The following TCTN3 variants were observed in gnomAD, a reference collection of about 807,000 sequenced individuals.
TCTN3 encodes the protein tectonic family member 3, also known as tectonic-3.
A neutral mutation model predicts 71.3 loss-of-function variants in TCTN3; 57 were observed. The observed-to-expected ratio is 0.80, with a 90% CI of 0.65 to 1.00. The LOEUF is 1.00. TCTN3 is among the 50% of genes least tolerant of loss of function. The pLI, the probability that TCTN3 is intolerant of heterozygous loss-of-function variation, is 0.00. For synonymous variants in TCTN3, 258 were observed against 267.8 expected, an observed-to-expected ratio of 0.96 and a Z score of 0.36; for missense variants, 696 against 719.9, an observed-to-expected ratio of 0.97 and a Z score of 0.38.
Position 95,684,721 on chromosome 10 carries a change from A to C in TCTN3, c.970-97T>G. ...TGTCTTCAAGGGTGTTATTATAACT[A>C]AATGAGGCAGACTGAAACAGTAATG... is the stretch of plus-strand genomic sequence containing the variant. On this transcript the variant is annotated intron_variant, in intron 8 of 13. Coordinates refer to ENST00000371217, the MANE Select transcript of TCTN3 (RefSeq NM_015631.6). The C allele has an allele frequency of 2.2e-6, 3 of 1,348,454 alleles. No individual in the cohort carries two copies. The South Asian group carries it at 4.3e-5, about 19-fold the overall frequency. 83.5% of individuals were successfully genotyped at this position (1,348,454 alleles called of 1,614,324 possible).
At chr10:95,683,716 A>C (rs758497231) in intron 9 of TCTN3, 87 bp from the exon 10 acceptor site, 23 of 1,144,066 alleles carry the variant, frequency 2.0e-5, no homozygotes, top group Non-Finnish European at 2.6e-5. Context: ...CCCTTCCTTA[A>C]GGCAAGGAAA....
At chr10:95,669,986 C>T (rs1158905968) in intron 13 of TCTN3, among the ~76,000 whole-genome samples, 1 of 145,306 alleles carries the variant, frequency 6.9e-6, no homozygotes. Context: ...TGGCGTGAAC[C>T]CCAGGGGGCG....
intron 13 of TCTN3, among the ~76,000 whole-genome samples, chr10:95,674,718 AAT>A (rs2097935128): frequency 6.6e-6 from 1 of 152,206 alleles, no homozygotes; most frequent in Non-Finnish European, 1.5e-5. Context: ...AGTCTCTTTT[AAT>A]TTAACACAAT....
At position 95,682,733 on chromosome 10, in the gene TCTN3, T is replaced by C; in HGVS notation, c.1370A>G (p.Glu457Gly). ...YQTLHGRPRP[E>G]YVAIFGNADP... ...AGCATTACCAAAGATGGCAACATAC[T>C]CTGGTCTGGGCCTTCCATGAAGAGT... The change falls in exon 12 of 14, where the codon GAG becomes GGG. Residue 457 changes from glutamate (E) to glycine (G), a missense_variant. Glu to Gly is a moderately conservative substitution (Grantham distance 98). Transcript: ENST00000371217. The C allele has an allele frequency of 6.2e-7, 1 of 1,614,198 alleles. No homozygotes were observed. The highest frequency in any genetic ancestry group is 8.5e-7 in the Non-Finnish European group (1 of 1,180,026).
At position 95,682,785 on chromosome 10, in the gene TCTN3, T is replaced by G; in HGVS notation, c.1318A>C (p.Ser440Arg). The G allele has an allele frequency of 1.2e-6, 2 of 1,614,038 alleles. No individual in the cohort carries two copies. The highest frequency in any genetic ancestry group is 1.1e-5 in the South Asian group (1 of 91,038). The change falls in exon 12 of 14, where the codon AGC becomes CGC. Residue 440 changes from serine to arginine, a missense_variant. Physicochemically the swap from Ser to Arg is moderately radical, Grantham distance 110 (BLOSUM62 -1). Coordinates refer to ENST00000371217, the MANE Select transcript of TCTN3 (RefSeq NM_015631.6). The stretch of plus-strand genomic sequence containing the variant: ...TGATAAATCTCCTGCTGCAAGTGGC[T>G]GCAGTCTGCCTTCTTCAACCTATAA... ...CKLRLKKADC[S>R]HLQQEIYQTL... is the part of the protein sequence containing the mutation.
chr10:95,667,391 A>G (rs527941064), intron 13 of TCTN3, among the ~76,000 whole-genome samples: 1 of 152,220 alleles, frequency 6.6e-6, no homozygotes, highest in Non-Finnish European at 1.5e-5. Flanking sequence ...GATGGCAGCA[A>G]GGTTTAACAG....
chr10:95,670,556 T>C (rs1056959645), intron 13 of TCTN3, among the ~76,000 whole-genome samples: 1 of 151,620 alleles, frequency 6.6e-6, no homozygotes, highest in Non-Finnish European at 1.5e-5. Flanking sequence ...TTAGTAGAGA[T>C]GGGGTTTTGC....
chr10:95,672,122 ACTTT>A (rs1248679057), intron 13 of TCTN3, among the ~76,000 whole-genome samples: 4 of 100,456 alleles, frequency 4.0e-5, no homozygotes, highest in Non-Finnish European at 8.6e-5. Context: ...AGAAGTAACC[ACTTT>A]CTGACTTTTA....
At chr10:95,681,406 G>GT (rs2097942891) in intron 12 of TCTN3, among the ~76,000 whole-genome samples, 1 of 152,146 alleles carries the variant, frequency 6.6e-6, no homozygotes, top group East Asian at 1.9e-4. Context: ...CAGTTACTGA[G>GT]TATCTCCTAT....
chr10:95,670,935 T>C (rs936640261), intron 13 of TCTN3, among the ~76,000 whole-genome samples: 2 of 152,190 alleles, frequency 1.3e-5, no homozygotes, highest in Admixed American at 6.5e-5. Flanking sequence ...AGTGCTGAGA[T>C]TACAGGTGTG....
chr10:95,665,949 T>C (rs1238484909), intron 13 of TCTN3, among the ~76,000 whole-genome samples: 1 of 151,984 alleles, frequency 6.6e-6, no homozygotes, highest in African/African-American at 2.4e-5. Context: ...CTGTAGTTTT[T>C]TTTTTTTTTG....
intron 12 of TCTN3, among the ~76,000 whole-genome samples, chr10:95,682,091 G>T (rs1463483005): frequency 1.3e-5 from 2 of 151,444 alleles, no homozygotes; most frequent in Non-Finnish European, 2.9e-5. Flanking sequence ...GCTACTCGAG[G>T]GGCTGAGGTG....
chr10:95,672,253 T>C (rs536711893), intron 13 of TCTN3, among the ~76,000 whole-genome samples: 1 of 151,896 alleles, frequency 6.6e-6, no homozygotes, highest in African/African-American at 2.4e-5. Context: ...TCTGTTTTAC[T>C]GCTAAGTAGT....
At chr10:95,682,417 C>T (rs1424162224) in intron 12 of TCTN3, among the ~76,000 whole-genome samples, 1 of 151,766 alleles carries the variant, frequency 6.6e-6, no homozygotes, top group Non-Finnish European at 1.5e-5. Flanking sequence ...TCCCTTGAAC[C>T]CGGGGGGTGG....
intron 13 of TCTN3, among the ~76,000 whole-genome samples, chr10:95,678,961 C>A (rs1465864144): frequency 6.6e-6 from 1 of 152,094 alleles, no homozygotes; most frequent in Non-Finnish European, 1.5e-5. Context: ...AGTAAAGGAA[C>A]GTGGTTTTGT....
chr10:95,670,783 C>T (rs1203989832), intron 13 of TCTN3, among the ~76,000 whole-genome samples: 2 of 152,174 alleles, frequency 1.3e-5, no homozygotes, highest in African/African-American at 4.8e-5. Flanking sequence ...CCACCTCAGC[C>T]TCCTGAGTAG....
intron 3 of TCTN3, among the ~76,000 whole-genome samples, chr10:95,689,707 C>T (rs1440945448): frequency 6.6e-6 from 1 of 152,108 alleles, no homozygotes; most frequent in Non-Finnish European, 1.5e-5. Flanking sequence ...AAAATTTCTA[C>T]CATCACAGAT....
Position 95,664,198 on chromosome 10 carries a change from T to G in TCTN3, c.1693A>C (p.Lys565Gln). Residue 565 changes from lysine to glutamine, a missense_variant, in exon 14 of 14, where the codon AAA becomes CAA. Coordinates refer to ENST00000371217, the MANE Select transcript of TCTN3 (RefSeq NM_015631.6). ...AAGGGAAAGAAGTCGAATGGCCATTTCCAGTCCATTTTGGGTTGGCCCCTT... is the reference window on the plus strand; with the variant it reads ...AAGGGAAAGAAGTCGAATGGCCATTGCCAGTCCATTTTGGGTTGGCCCCTT... ...PPRGQPKMDWKWPFDFFPFKV... is the reference protein window; with the variant it reads ...PPRGQPKMDWQWPFDFFPFKV... The G allele has an allele frequency of 2.5e-6, 4 of 1,614,196 alleles. No homozygotes were observed. The highest frequency in any genetic ancestry group is 3.4e-6 in the Non-Finnish European group (4 of 1,180,034).
intron 13 of TCTN3, among the ~76,000 whole-genome samples, chr10:95,671,424 A>G (rs2139707009): frequency 6.6e-6 from 1 of 152,382 alleles, no homozygotes; most frequent in Non-Finnish European, 1.5e-5. Flanking sequence ...TTACTTTGTA[A>G]CAACATGAAG....
Sources: allele counts gnomAD v4.1 joint callset (sites outside exome capture counted in the v4.1 genomes callset), GRCh38; gene constraint gnomAD v4.1.1; transcripts MANE v1.5; gene names NCBI Gene and HGNC (gene_info 2026-07-23, HGNC 2026-07-21).